NOP16: variants seen among roughly 807,000 people sequenced by gnomAD.
NOP16 encodes nucleolar protein 16.
A neutral mutation model predicts 22.7 loss-of-function variants in NOP16; 14 were observed. That is an observed-to-expected ratio of 0.62 (90% CI 0.41 to 0.97). The LOEUF is 0.97. NOP16 is among the 50% of genes least tolerant of loss of function. The pLI is 0.00. For synonymous variants in NOP16, 80 were observed against 83.6 expected (o/e 0.96, Z 0.23); for missense variants, 198 against 235.9 (o/e 0.84, Z 1.05).
In NOP16 at chr5:176,384,098, G is replaced by C; in HGVS notation, c.*133C>G. 6.2e-7 allele frequency: 1 copy of C among 1,605,190 alleles called. No individual in the cohort carries two copies. Among genetic ancestry groups the C allele is most frequent in the African/African-American group, 1.3e-5 (1 of 74,954 alleles). The stretch of plus-strand genomic sequence containing the variant: ...CAGAGCGGGGAGTGTGCACGTGTGT[G>C]TGTAACCTTCTGATTCCATGGGACC... On this transcript the variant is annotated 3_prime_UTR_variant, in exon 5 of 5. Coordinates refer to ENST00000614830, the MANE Select transcript of NOP16 (RefSeq NM_016391.8).
chr5:176,385,097 TAG>T lies in NOP16; in HGVS notation c.393+122_393+123del, dbSNP rs376429682. 1.6e-3 allele frequency: 1,159 copies of T among 726,972 alleles called. 6 individuals carry two copies. The African/African-American group carries it at 0.018, about 11-fold the overall frequency. The allele number at this position is 726,972 out of a possible 1,614,324, so 45.0% of individuals were successfully genotyped here. On this transcript the variant is annotated intron_variant, in intron 4 of 4. Coordinates refer to ENST00000614830, the MANE Select transcript of NOP16 (RefSeq NM_016391.8). ...ATCCCTGTCAATGGGATCCATTTCC[TAG>T]AGTCTCTTTTGCCTCCCTTTCTTTG...
At chr5:176,387,839 C>A (rs1756007335) in intron 2 of NOP16, among the ~76,000 whole-genome samples, 1 of 152,116 alleles carries the variant, frequency 6.6e-6, no homozygotes, top group Admixed American at 6.5e-5. Flanking sequence ...AAGGAGACTG[C>A]AGTCAGGGAA....
In NOP16 at chr5:176,384,204, G is replaced by T. The variant is rs750853557; in HGVS notation, c.*27C>A. On this transcript the variant is annotated 3_prime_UTR_variant, in exon 5 of 5. Transcript: ENST00000614830. ...CTTCACTGGTCCGGGGGACGCCTCA[G>T]CCTGGGGCAGCTGTGATGTAAACCA... The T allele has an allele frequency of 6.2e-6, 10 of 1,614,130 alleles. No individual in the cohort carries two copies. The Admixed American group carries it at 6.7e-5, about 11-fold the overall frequency.
intron 2 of NOP16, among the ~76,000 whole-genome samples, chr5:176,387,532 A>G (rs1286346827): frequency 6.6e-6 from 1 of 152,250 alleles, no homozygotes; most frequent in African/African-American, 2.4e-5. Flanking sequence ...CATTTCTTGA[A>G]TAAATGTGAG....
Position 176,388,490 on chromosome 5 carries a change from A to C in NOP16, c.50T>G (p.Val17Gly). ...ATTCCGGTTCAGACGCTTTCGGTTG[A>C]CACTGTAACCAAACTTCTGCCTCCG... Reference protein sequence around the residue: ...KTRRQKFGYSVNRKRLNRNAR... With the variant: ...KTRRQKFGYSGNRKRLNRNAR... The change falls in exon 1 of 5, where the codon GTC becomes GGC. Residue 17 changes from valine (V) to glycine (G), a missense_variant. Val to Gly is a moderately radical substitution (Grantham distance 109). Transcript: ENST00000614830. 1 of 1,614,162 alleles carries C rather than the reference A, an allele frequency of 6.2e-7. No individual in the cohort carries two copies. The highest frequency in any genetic ancestry group is 8.5e-7 in the Non-Finnish European group (1 of 1,180,008).
intron 4 of NOP16, chr5:176,384,935 T>C (rs1270451713): frequency 1.1e-5 from 6 of 563,948 alleles, no homozygotes; most frequent in African/African-American, 3.7e-5. Context: ...ACTTCCATCC[T>C]GGGTGACTGA....
Position 176,384,056 on chromosome 5 carries a change from G to A in NOP16, c.*175C>T. On this transcript the variant is annotated 3_prime_UTR_variant, in exon 5 of 5. Transcript: ENST00000614830. ...CAGATGAATATAAATTGGAGCCTCTGAGAACAGTTCCTTCCCCAGAGCGGG... is the reference window on the plus strand; with the variant it reads ...CAGATGAATATAAATTGGAGCCTCTAAGAACAGTTCCTTCCCCAGAGCGGG... 1.3e-6 allele frequency: 2 copies of A among 1,558,762 alleles called. No individual in the cohort carries two copies. The highest frequency in any genetic ancestry group is 1.7e-6 in the Non-Finnish European group (2 of 1,157,684).
chr5:176,386,390 G>T (rs1182850663), intron 3 of NOP16: 1 of 221,214 alleles, frequency 4.5e-6, no homozygotes, highest in African/African-American at 2.3e-5. Context: ...GATGAATGAA[G>T]AATTCTAGAG....
intron 3 of NOP16, among the ~76,000 whole-genome samples, chr5:176,385,529 C>T (rs1260361746): frequency 6.6e-6 from 1 of 152,160 alleles, no homozygotes; most frequent in Non-Finnish European, 1.5e-5. Flanking sequence ...CTCCTATGAC[C>T]CACTCATCTA....
chr5:176,388,390 C>T, intron 1 of NOP16, 43 bp downstream of exon 1: 1 of 1,612,664 alleles, frequency 6.2e-7, no homozygotes, highest in Non-Finnish European at 8.5e-7. Flanking sequence ...CGCGGACCGT[C>T]CCGGCCGAGG....
chr5:176,384,723 T>G, intron 4 of NOP16: 1 of 381,310 alleles, frequency 2.6e-6, no homozygotes, highest in Non-Finnish European at 4.7e-6. Flanking sequence ...TGAGCCATGA[T>G]CACACCACTG....
Position 176,384,206 on chromosome 5 carries a change from C to T in NOP16, c.*25G>A. 6.2e-7 allele frequency: 1 copy of T among 1,614,138 alleles called. No individual in the cohort carries two copies. Among genetic ancestry groups the T allele is most frequent in the Non-Finnish European group, 8.5e-7 (1 of 1,180,038 alleles). On this transcript the variant is annotated 3_prime_UTR_variant, in exon 5 of 5. Coordinates refer to ENST00000614830, the MANE Select transcript of NOP16 (RefSeq NM_016391.8). ...TCACTGGTCCGGGGGACGCCTCAGC[C>T]TGGGGCAGCTGTGATGTAAACCAGT...
At position 176,384,006 on chromosome 5, in the gene NOP16, A is replaced by G; in HGVS notation, c.*225T>C. On this transcript the variant is annotated 3_prime_UTR_variant, in exon 5 of 5. Coordinates refer to ENST00000614830, the MANE Select transcript of NOP16 (RefSeq NM_016391.8). ...TTACATCACCCACCCTGAAAACAGCAGGTTCTGGCTTTTCCGTGAACCCCC... is the reference window on the plus strand; with the variant it reads ...TTACATCACCCACCCTGAAAACAGCGGGTTCTGGCTTTTCCGTGAACCCCC... 1.3e-6 allele frequency: 2 copies of G among 1,536,672 alleles called. No individual in the cohort carries two copies. The highest frequency in any genetic ancestry group is 1.7e-6 in the Non-Finnish European group (2 of 1,147,004).
At chr5:176,387,031 G>T in intron 2 of NOP16, 122 bp from the exon 3 acceptor site, 1 of 792,194 alleles carries the variant, frequency 1.3e-6, no homozygotes, top group Non-Finnish European at 2.1e-6. Flanking sequence ...GGTAGAAGTA[G>T]GTAACAATGA....
chr5:176,384,217 G>A lies in NOP16; in HGVS notation c.*14C>T. On this transcript the variant is annotated 3_prime_UTR_variant, in exon 5 of 5. Transcript: ENST00000614830. ...GGGGACGCCTCAGCCTGGGGCAGCT[G>A]TGATGTAAACCAGTCACTCCACCTC... The A allele has an allele frequency of 6.2e-7, 1 of 1,614,212 alleles. No homozygotes were observed. The highest frequency in any genetic ancestry group is 8.5e-7 in the Non-Finnish European group (1 of 1,180,048).
chr5:176,387,872 G>A (rs1756010758), intron 2 of NOP16, among the ~76,000 whole-genome samples: 1 of 152,098 alleles, frequency 6.6e-6, no homozygotes, highest in African/African-American at 2.4e-5. Flanking sequence ...CTCAGACCAA[G>A]GATGATTGAA....
At chr5:176,387,076 CTCTT>C (rs1471036440) in intron 2 of NOP16, 167 bp from the exon 3 acceptor site, 73 of 292,822 alleles carry the variant, frequency 2.5e-4, no homozygotes, top group East Asian at 2.3e-3. Context: ...CTCTCTCTCT[CTCTT>C]TTTTTTTTTC....
Position 176,388,232 on chromosome 5 carries a change from T to C in NOP16, c.216+3A>G, listed in dbSNP as rs1312217081. 3 of 1,605,260 alleles carry C rather than the reference T, an allele frequency of 1.9e-6. No individual in the cohort carries two copies. The highest frequency in any genetic ancestry group is 2.6e-6 in the Non-Finnish European group (3 of 1,172,076). Reference sequence around the variant, plus strand: ...AAGGACCGAGACCCTGCCATGTCAGTACCTTTCTCTTACGGAGGGGCACCG... The same window carrying C: ...AAGGACCGAGACCCTGCCATGTCAGCACCTTTCTCTTACGGAGGGGCACCG... On this transcript the variant is annotated splice_donor_region_variant and intron_variant, in intron 2 of 4. Coordinates refer to ENST00000614830, the MANE Select transcript of NOP16 (RefSeq NM_016391.8).
rs554340611 is a variant in NOP16 at position 176,384,388 on chromosome 5, G to A, written c.394-14C>T. 2 of 1,606,152 alleles carry A rather than the reference G, an allele frequency of 1.2e-6. No homozygotes were observed. The highest frequency in any genetic ancestry group is 1.1e-5 in the South Asian group (1 of 89,864). On this transcript the variant is annotated splice_polypyrimidine_tract_variant and intron_variant, in intron 4 of 4. Coordinates refer to ENST00000614830, the MANE Select transcript of NOP16 (RefSeq NM_016391.8). ...ACGGGCCATGGCCTAAGAGGAGAAG[G>A]GCTACTTTAAGGAGGGCTAGACAGG...
Sources: allele counts gnomAD v4.1 joint callset (sites outside exome capture counted in the v4.1 genomes callset), GRCh38; gene constraint gnomAD v4.1.1; transcripts MANE v1.5; gene names NCBI Gene and HGNC (gene_info 2026-07-23, HGNC 2026-07-21).